ODAPH: variants seen among roughly 807,000 people sequenced by gnomAD.
ODAPH encodes odontogenesis associated phosphoprotein.
A neutral mutation model predicts 2.8 loss-of-function variants in ODAPH; 2 were observed. That is an observed-to-expected ratio of 0.72 (90% CI 0.30 to 2.28). The LOEUF (loss-of-function observed/expected upper bound fraction) is 2.28. ODAPH is among the 30% of genes most tolerant of loss of function. The pLI is 0.13. For synonymous variants in ODAPH, 75 were observed against 60.3 expected (o/e 1.24, Z -1.13); for missense variants, 159 against 163.3 (o/e 0.97, Z 0.14).
chr4:75,558,412 C>G (rs1727429569), intron 1 of ODAPH, among the ~76,000 whole-genome samples: 1 of 151,822 alleles, frequency 6.6e-6, no homozygotes, highest in Non-Finnish European at 1.5e-5. Context: ...AAGAACTGCA[C>G]ACTTAAACTT....
At chr4:75,556,228 A>T in intron 1 of ODAPH, 79 bp downstream of exon 1, 1 of 1,300,336 alleles carries the variant, frequency 7.7e-7, no homozygotes, top group Non-Finnish European at 1.1e-6. Flanking sequence ...CTCCATGATT[A>T]TACGTTCCCA....
chr4:75,557,136 T>C (rs1052033498), intron 1 of ODAPH, among the ~76,000 whole-genome samples: 1 of 152,098 alleles, frequency 6.6e-6, no homozygotes, highest in Non-Finnish European at 1.5e-5. Context: ...GGACAGGGCA[T>C]AGATTATGAA....
At chr4:75,562,864 T>C (rs907822310) in intron 1 of ODAPH, among the ~76,000 whole-genome samples, 4 of 152,274 alleles carry the variant, frequency 2.6e-5, no homozygotes, top group African/African-American at 9.6e-5. Flanking sequence ...TCCCTTCCCC[T>C]AGGAAATTAT....
chr4:75,562,719 T>C (rs956977644), intron 1 of ODAPH, among the ~76,000 whole-genome samples: 3 of 152,168 alleles, frequency 2.0e-5, no homozygotes, highest in East Asian at 3.9e-4. Flanking sequence ...AAAAGATTAC[T>C]TTTTTGTAGC....
In ODAPH at chr4:75,556,894, C is replaced by A. The variant is rs542714323; in HGVS notation, c.67+745C>A. ...TTTATTTTAATTCCAAAACTAGATG[C>A]TGTTTACGGAAGATGGACCTAGGAG... On this transcript the variant is annotated intron_variant, in intron 1 of 1. Transcript: ENST00000311623. 3.3e-5 allele frequency among the ~76,000 whole-genome samples: 5 copies of A among 152,292 alleles called. No individual in the cohort carries two copies. The South Asian group carries it at 1.0e-3, about 32-fold the overall frequency.
chr4:75,560,699 C>T (rs1041570559), intron 1 of ODAPH, among the ~76,000 whole-genome samples: 4 of 152,198 alleles, frequency 2.6e-5, no homozygotes, highest in Admixed American at 2.6e-4. Context: ...GAGCACTGAA[C>T]ACTACTGGAC....
At chr4:75,558,525 AG>A (rs1044628840) in intron 1 of ODAPH, among the ~76,000 whole-genome samples, 6 of 151,342 alleles carry the variant, frequency 4.0e-5, no homozygotes, top group Admixed American at 6.6e-5. Flanking sequence ...AAAAAAAAAA[AG>A]GTCTTTCATC....
intron 1 of ODAPH, among the ~76,000 whole-genome samples, chr4:75,559,841 C>A (rs143805118): frequency 6.6e-4 from 100 of 152,284 alleles, no homozygotes; most frequent in Non-Finnish European, 9.9e-4. Flanking sequence ...GTCTACAAGA[C>A]GGTCACGTAG....
rs1727749261 is a variant in ODAPH, at chr4:75,564,744, A to C, written c.*305A>C. On this transcript the variant is annotated 3_prime_UTR_variant, in exon 2 of 2. Transcript: ENST00000311623. ...GGCTCTAGTAATTCCTATCCATACTAAGATGCTGAGAGAATCCATCTCCTC... is the reference window on the plus strand; with the variant it reads ...GGCTCTAGTAATTCCTATCCATACTCAGATGCTGAGAGAATCCATCTCCTC... 1.8e-6 allele frequency: 1 copy of C among 553,670 alleles called. No individual in the cohort carries two copies. Among genetic ancestry groups the C allele is most frequent in the African/African-American group, 1.9e-5 (1 of 52,988 alleles). 34.3% of individuals were successfully genotyped at this position (553,670 alleles called of 1,614,324 possible).
Position 75,564,769 on chromosome 4 carries a change from C to T in ODAPH, c.*330C>T. On this transcript the variant is annotated 3_prime_UTR_variant, in exon 2 of 2. Coordinates refer to ENST00000311623, the MANE Select transcript of ODAPH (RefSeq NM_178497.5). ...AAGATGCTGAGAGAATCCATCTCCTCCTCTAAATTAAACAGGATTTAAATA... is the reference window on the plus strand; with the variant it reads ...AAGATGCTGAGAGAATCCATCTCCTTCTCTAAATTAAACAGGATTTAAATA... 1 of 511,422 alleles carries T rather than the reference C, an allele frequency of 2.0e-6. No individual in the cohort carries two copies. Among genetic ancestry groups the T allele is most frequent in the Non-Finnish European group, 3.5e-6 (1 of 288,226 alleles). The allele number at this position is 511,422 out of a possible 1,614,324, so 31.7% of individuals were successfully genotyped here.
intron 1 of ODAPH, chr4:75,563,182 C>T (rs1255401537): frequency 6.6e-6 from 1 of 151,956 alleles, no homozygotes; most frequent in African/African-American, 2.4e-5. Context: ...CCTGCCACCA[C>T]ACCTGGCTAA....
At chr4:75,557,400 G>T (rs1339320318) in intron 1 of ODAPH, among the ~76,000 whole-genome samples, 1 of 152,192 alleles carries the variant, frequency 6.6e-6, no homozygotes, top group East Asian at 1.9e-4. Context: ...AGCATTTTGG[G>T]AGGCCGAGGT....
chr4:75,565,583 A>G (rs767906885), downstream of ODAPH: 2 of 152,132 alleles, frequency 1.3e-5, no homozygotes, highest in African/African-American at 4.8e-5. Flanking sequence ...AATCCCACAG[A>G]TTGCATTGAT....
At chr4:75,565,590 T>G (rs1727781322), downstream of ODAPH, 1 of 152,198 alleles carries the variant, frequency 6.6e-6, no homozygotes, top group South Asian at 2.1e-4. Context: ...CAGATTGCAT[T>G]GATTGGTTAT....
rs1044490985 is a variant in ODAPH at position 75,564,284 on chromosome 4, A to G, written c.238A>G (p.Arg80Gly). Reference sequence around the variant, plus strand: ...CTTCCATTTTTTTCCACGAAGGCCCAGAATCCATTTTAGGTTTCCAAACAG... The same window carrying G: ...CTTCCATTTTTTTCCACGAAGGCCCGGAATCCATTTTAGGTTTCCAAACAG... ...CPFHFFPRRP[R>G]IHFRFPNRPF... Residue 80 changes from arginine to glycine, a missense_variant, in exon 2 of 2, where the codon AGA becomes GGA. Arg to Gly is a moderately radical substitution (Grantham distance 125). Coordinates refer to ENST00000311623, the MANE Select transcript of ODAPH (RefSeq NM_178497.5). 3 of 1,614,216 alleles carry G rather than the reference A, an allele frequency of 1.9e-6. No individual in the cohort carries two copies. In the African/African-American group the frequency reaches 4.0e-5, roughly 22 times the overall value.
intron 1 of ODAPH, among the ~76,000 whole-genome samples, chr4:75,561,361 T>A (rs193220432): frequency 5.9e-5 from 9 of 152,294 alleles, no homozygotes; most frequent in Admixed American, 2.6e-4. Context: ...TTCTGCAGTT[T>A]AAAGTGTCTC....
intron 1 of ODAPH, among the ~76,000 whole-genome samples, chr4:75,561,929 C>A (rs1052962190): frequency 6.6e-6 from 1 of 152,176 alleles, no homozygotes; most frequent in Non-Finnish European, 1.5e-5. Context: ...TCCTCTGTCC[C>A]GGAAGCCTTC....
At position 75,564,159 on chromosome 4, in the gene ODAPH, C is replaced by T. The variant is rs374774709; in HGVS notation, c.113C>T (p.Ala38Val). ...FTPPGDSQNN[A>V]DATDCQIFTL... Reference sequence around the variant, plus strand: ...CCTCCTGGAGATTCACAAAATAATGCGGACGCTACCGACTGCCAGATCTTT... The same window carrying T: ...CCTCCTGGAGATTCACAAAATAATGTGGACGCTACCGACTGCCAGATCTTT... Residue 38 changes from alanine to valine, a missense_variant, in exon 2 of 2, where the codon GCG (alanine) becomes GTG (valine). Coordinates refer to ENST00000311623, the MANE Select transcript of ODAPH (RefSeq NM_178497.5). The T allele has an allele frequency of 1.1e-4, 181 of 1,614,158 alleles. 1 individual carries two copies. The South Asian group carries it at 1.2e-3, about 11-fold the overall frequency.
In ODAPH at chr4:75,564,376, C is replaced by A; in HGVS notation, c.330C>A (p.Tyr110Ter). 1.9e-6 allele frequency: 3 copies of A among 1,614,176 alleles called. No individual in the cohort carries two copies. Among genetic ancestry groups the A allele is most frequent in the Non-Finnish European group, 2.5e-6 (3 of 1,180,048 alleles). Residue 110 changes from tyrosine to a stop codon, truncating the protein, a stop_gained, in exon 2 of 2, where the codon TAC becomes TAA. Transcript: ENST00000311623. LOFTEE classifies it low-confidence loss of function (END_TRUNC). ...AGCCATTTTATTGGCCACACCGTTA[C>A]CTTACTTATAGGTATTTCCCCAGAA... ...PFQPFYWPHR[Y>*]LTYRYFPRRR...
Sources: allele counts gnomAD v4.1 joint callset (sites outside exome capture counted in the v4.1 genomes callset), GRCh38; gene constraint gnomAD v4.1.1; transcripts MANE v1.5; gene names NCBI Gene and HGNC (gene_info 2026-07-23, HGNC 2026-07-21).